The following SOX6 variants were observed in gnomAD, a reference collection of about 807,000 sequenced individuals.
The protein encoded by SOX6 is transcription factor SOX-6.
A neutral mutation model predicts 97.8 loss-of-function variants in SOX6; 11 were observed. That is an observed-to-expected ratio of 0.11 (90% CI 0.07 to 0.19). SOX6 has a LOEUF of 0.19. Among genes scored for constraint, SOX6 ranks in the 10% least tolerant of loss-of-function variants. SOX6 has a pLI of 1.00. For missense variants in SOX6, 810 were observed against 1,039.5 expected (o/e 0.78, Z 3.04); for synonymous variants, 360 against 371.4 (o/e 0.97, Z 0.35).
intron 7 of SOX6, among the ~76,000 whole-genome samples, chr11:16,103,889 C>A (rs547538567): frequency 6.6e-6 from 1 of 151,328 alleles, no homozygotes; most frequent in Admixed American, 6.6e-5. Context: ...TGGGGGATAG[C>A]GAGGTATAAA....
intron 9 of SOX6, among the ~76,000 whole-genome samples, chr11:16,085,308 T>C (rs1293263196): frequency 6.6e-6 from 1 of 151,710 alleles, no homozygotes; most frequent in East Asian, 1.9e-4. Flanking sequence ...AGTAAGTGTT[T>C]CTCCTTTTCT....
chr11:16,438,703 G>GA lies in SOX6; in HGVS notation c.-5+37611dup, dbSNP rs11329357. On this transcript the variant is annotated intron_variant, in intron 1 of 15. Transcript: ENST00000396356. Reference sequence around the variant, plus strand: ...GTGATACTCTTTCTACAATATCAGTGAAAAAAAAAAAAGAAGAAAAATAGG... The same window carrying GA: ...GTGATACTCTTTCTACAATATCAGTGAAAAAAAAAAAAAGAAGAAAAATAGG... 8.2e-3 allele frequency among the ~76,000 whole-genome samples: 1,181 copies of GA among 144,496 alleles called. 19 individuals are homozygous for GA. The highest frequency in any genetic ancestry group is 0.024 in the African/African-American group (973 of 39,754). 94.8% of individuals were successfully genotyped at this position (144,496 alleles called of 152,430 possible). A position where few individuals can be genotyped will look rare whatever the true frequency, so the allele number is the denominator to read the frequency against.
chr11:16,016,733 C>G (rs986035213), intron 12 of SOX6, among the ~76,000 whole-genome samples: 1 of 152,018 alleles, frequency 6.6e-6, no homozygotes, highest in Non-Finnish European at 1.5e-5. Flanking sequence ...TGAGTAGTAC[C>G]AGGGAAAGCA....
intron 3 of SOX6, among the ~76,000 whole-genome samples, chr11:16,289,212 T>C (rs1389262393): frequency 6.6e-6 from 1 of 151,992 alleles, no homozygotes; most frequent in East Asian, 1.9e-4. Flanking sequence ...AAGATTTTTC[T>C]TAACAGTTTT....
intron 9 of SOX6, among the ~76,000 whole-genome samples, chr11:16,062,087 C>A (rs1197531708): frequency 2.0e-5 from 3 of 151,702 alleles, no homozygotes; most frequent in Non-Finnish European, 3.0e-5. Flanking sequence ...AATAATCAAT[C>A]AACAGAATGA....
At chr11:16,204,336 G>C (rs75103774) in intron 4 of SOX6, among the ~76,000 whole-genome samples, 8,868 of 152,076 alleles carry the variant, frequency 0.058, 645 homozygotes, top group East Asian at 0.37. Context: ...TAAAGCAACA[G>C]TGTGCTTATT....
At chr11:16,451,985 A>AATAAATAAATAC (rs1469222718) in intron 1 of SOX6, among the ~76,000 whole-genome samples, 2 of 147,718 alleles carry the variant, frequency 1.4e-5, no homozygotes, top group Non-Finnish European at 3.0e-5. Flanking sequence ...CCTATCTAAA[A>AATAAATAAATAC]ATAAATAAAT....
chr11:16,495,495 T>A (rs1860579102), intron 4 of SOX6, among the ~76,000 whole-genome samples: 1 of 152,114 alleles, frequency 6.6e-6, no homozygotes, highest in Non-Finnish European at 1.5e-5. Flanking sequence ...TCCCAAGTAC[T>A]CCTCCTGGGA....
In SOX6 at chr11:16,168,433, T is replaced by C. The variant is rs1850942490; in HGVS notation, c.777+15453A>G. On this transcript the variant is annotated intron_variant, in intron 6 of 15. Coordinates refer to ENST00000683767, the MANE Select transcript of SOX6 (RefSeq NM_001367873.1). ...TCATAAATAAGGGTCCTAGAATTTT[T>C]TGTGACTCTCATTTCTGAAGTCCCT... Among the ~76,000 whole-genome samples, 3 of 152,188 alleles carry C rather than the reference T, an allele frequency of 2.0e-5. No homozygotes were observed. In the South Asian group the frequency reaches 6.2e-4, roughly 31 times the overall value.
At chr11:16,407,487 A>G (rs1858711631) in intron 1 of SOX6, among the ~76,000 whole-genome samples, 1 of 152,140 alleles carries the variant, frequency 6.6e-6, no homozygotes, top group Admixed American at 6.5e-5. Context: ...CAGTTTCCCA[A>G]AGTTAATCTA....
At chr11:16,062,779 T>G (rs1847989687) in intron 9 of SOX6, among the ~76,000 whole-genome samples, 1 of 151,344 alleles carries the variant, frequency 6.6e-6, no homozygotes, top group Non-Finnish European at 1.5e-5. Context: ...ATGTTCCACC[T>G]TTAATACTGG....
rs532541245 is a variant in SOX6 at position 16,298,824 on chromosome 11, A to G, written c.445+19622T>C. Among the ~76,000 whole-genome samples, 239 of 152,244 alleles carry G rather than the reference A, an allele frequency of 1.6e-3. 1 individual carries two copies. The highest frequency in any genetic ancestry group is 2.5e-3 in the Non-Finnish European group (172 of 67,962). On this transcript the variant is annotated intron_variant, in intron 3 of 15. Transcript: ENST00000683767. ...GCAGCCTGCTCATTAGATGTTTAAG[A>G]TATGATTAAAAGATTAAATACTCCT...
At chr11:16,735,835 T>TA (rs1848387077) in intron 2 of SOX6, among the ~76,000 whole-genome samples, 1 of 152,128 alleles carries the variant, frequency 6.6e-6, no homozygotes, top group Non-Finnish European at 1.5e-5. Context: ...TTTTTTTTTT[T>TA]AGTCTCAAGT....
At chr11:16,446,458 G>A (rs926319415) in intron 1 of SOX6, among the ~76,000 whole-genome samples, 14 of 152,094 alleles carry the variant, frequency 9.2e-5, no homozygotes, top group South Asian at 4.2e-4. Context: ...TGAGGTAAGC[G>A]AATTACCTTC....
At chr11:16,584,156 A>G (rs565689732) in intron 4 of SOX6, among the ~76,000 whole-genome samples, 2 of 152,344 alleles carry the variant, frequency 1.3e-5, no homozygotes, top group South Asian at 4.1e-4. Flanking sequence ...ATTCCTGTCT[A>G]CATGAAGCTT....
At chr11:16,376,055 C>T (rs1857634941) in intron 1 of SOX6, among the ~76,000 whole-genome samples, 2 of 152,012 alleles carry the variant, frequency 1.3e-5, no homozygotes, top group African/African-American at 2.4e-5. Flanking sequence ...GGAGGGATAA[C>T]ATTAGGAGAA....
chr11:16,109,816 C>CT lies in SOX6; in HGVS notation c.898+1986dup, dbSNP rs948619252. 1.4e-4 allele frequency among the ~76,000 whole-genome samples: 21 copies of CT among 152,012 alleles called. 1 individual carries two copies. The highest frequency in any genetic ancestry group is 3.4e-3 in the Middle Eastern group (1 of 294). On this transcript the variant is annotated intron_variant, in intron 7 of 15. Coordinates refer to ENST00000683767, the MANE Select transcript of SOX6 (RefSeq NM_001367873.1). Reference sequence around the variant, plus strand: ...TTTAGGAGTCACACGAAAGTAAACACTTTTTTTTACCAACCTTGCTTGTAA... The same window carrying CT: ...TTTAGGAGTCACACGAAAGTAAACACTTTTTTTTTACCAACCTTGCTTGTAA...
At chr11:16,191,780 G>A (rs1419957336) in intron 4 of SOX6, among the ~76,000 whole-genome samples, 3 of 151,972 alleles carry the variant, frequency 2.0e-5, no homozygotes, top group African/African-American at 7.3e-5. Context: ...CACACAGTGT[G>A]CGCCTGACAC....
intron 3 of SOX6, among the ~76,000 whole-genome samples, chr11:16,670,014 G>A (rs1292315141): frequency 6.6e-6 from 1 of 152,154 alleles, no homozygotes; most frequent in Admixed American, 6.5e-5. Context: ...AGCTACCACA[G>A]GGTGAGGAGT....
Sources: gnomAD v4.1 joint callset for allele counts (sites outside exome capture counted in the v4.1 genomes callset) on GRCh38, gnomAD v4.1.1 for gene constraint, MANE v1.5 for transcripts, NCBI Gene and HGNC (gene_info 2026-07-23, HGNC 2026-07-21) for gene names.